MYO3B: variants seen among roughly 807,000 people sequenced by gnomAD.
The protein encoded by MYO3B is myosin IIIB, also known as myosin-IIIb.
Under a neutral mutation model 174.6 loss-of-function variants are expected in MYO3B, and 156 were observed. The observed-to-expected ratio is 0.89, with a 90% CI of 0.78 to 1.02. MYO3B has a LOEUF of 1.02. Among genes scored for constraint, MYO3B ranks in the 50% least tolerant of loss-of-function variants. MYO3B has a pLI of 0.00. For missense variants in MYO3B, 1,632 were observed against 1,639.4 expected (o/e 1.00, Z 0.08); for synonymous variants, 563 against 569.1 (o/e 0.99, Z 0.15).
At chr2:170,445,807 A>G (rs1380295604) in intron 23 of MYO3B, among the ~76,000 whole-genome samples, 1 of 152,148 alleles carries the variant, frequency 6.6e-6, no homozygotes, top group African/African-American at 2.4e-5. Flanking sequence ...CTAACTAAAA[A>G]AAATTTTTTT....
At chr2:170,537,567 T>A (rs957418582) in intron 30 of MYO3B, among the ~76,000 whole-genome samples, 24 of 143,254 alleles carry the variant, frequency 1.7e-4, no homozygotes, top group Non-Finnish European at 3.5e-4. Flanking sequence ...CCACCCCAGC[T>A]TCCTGAGTAG....
At chr2:170,503,827 G>A (rs565341454) in intron 28 of MYO3B, among the ~76,000 whole-genome samples, 1 of 152,156 alleles carries the variant, frequency 6.6e-6, no homozygotes, top group Non-Finnish European at 1.5e-5. Flanking sequence ...GGCAGCCAGA[G>A]CAAAGGCAGA....
chr2:170,297,097 G>A lies in MYO3B; in HGVS notation c.750-38288G>A, dbSNP rs377083914. On this transcript the variant is annotated intron_variant, in intron 7 of 34. Coordinates refer to ENST00000408978, the MANE Select transcript of MYO3B (RefSeq NM_138995.5). ...TCCTTCACATATTGAATAAGGTTATGAATAGGTAAGAACCATGTGAGAAAT... is the reference window on the plus strand; with the variant it reads ...TCCTTCACATATTGAATAAGGTTATAAATAGGTAAGAACCATGTGAGAAAT... 2.3e-4 allele frequency among the ~76,000 whole-genome samples: 35 copies of A among 152,270 alleles called. 1 individual carries two copies. The highest frequency in any genetic ancestry group is 7.7e-4 in the African/African-American group (32 of 41,560).
At chr2:170,249,604 C>A (rs183618988) in intron 7 of MYO3B, among the ~76,000 whole-genome samples, 3 of 152,266 alleles carry the variant, frequency 2.0e-5, no homozygotes, top group African/African-American at 7.2e-5. Context: ...AAACAAGAAA[C>A]AAATTATGCT....
At chr2:170,386,316 C>T (rs1273115916) in intron 13 of MYO3B, 44 bp downstream of exon 13, 3 of 1,488,212 alleles carry the variant, frequency 2.0e-6, no homozygotes, top group Non-Finnish European at 2.8e-6. Context: ...GAAGTTCCTA[C>T]AGAGTAACTG....
chr2:170,548,460 G>A (rs1171010993), intron 32 of MYO3B, among the ~76,000 whole-genome samples: 2 of 152,190 alleles, frequency 1.3e-5, no homozygotes, highest in Admixed American at 6.5e-5. Flanking sequence ...AGGTGGCTCT[G>A]ATATTGTCGG....
In MYO3B at chr2:170,463,446, G is replaced by T. The variant is rs777064807; in HGVS notation, c.2808+1G>T. ...GCAAACTGTGGCTTCTTACTTCCGG[G>T]TATGGAGTCTTCTTGATCTCTATTC... is the stretch of plus-strand genomic sequence containing the variant. On this transcript the variant is annotated splice_donor_variant, in intron 24 of 34. Coordinates refer to ENST00000408978, the MANE Select transcript of MYO3B (RefSeq NM_138995.5). LOFTEE classifies it high-confidence loss of function. The T allele has an allele frequency of 6.2e-7, 1 of 1,613,768 alleles. No homozygotes were observed. Among genetic ancestry groups the T allele is most frequent in the Non-Finnish European group, 8.5e-7 (1 of 1,179,818 alleles).
chr2:170,404,223 G>T (rs756773292), intron 19 of MYO3B, 24 bp from the exon 20 acceptor site: 19 of 1,578,556 alleles, frequency 1.2e-5, no homozygotes, highest in Non-Finnish European at 1.6e-5. Context: ...GGGCTGGAGA[G>T]AATCACAATC....
chr2:170,211,357 C>T (rs2092768421), intron 3 of MYO3B, among the ~76,000 whole-genome samples: 1 of 152,190 alleles, frequency 6.6e-6, no homozygotes, highest in African/African-American at 2.4e-5. Context: ...TTAAACTGAG[C>T]ACTCTCTAAG....
At chr2:170,499,620 A>G (rs377137296) in intron 26 of MYO3B, 26 bp from the exon 27 acceptor site, 88 of 1,611,140 alleles carry the variant, frequency 5.5e-5, no homozygotes, top group Non-Finnish European at 7.0e-5. Flanking sequence ...CCCATATGTA[A>G]TGCTAAAACT....
At chr2:170,395,248 T>C (rs1222547302) in intron 16 of MYO3B, among the ~76,000 whole-genome samples, 1 of 152,216 alleles carries the variant, frequency 6.6e-6, no homozygotes, top group Non-Finnish European at 1.5e-5. Flanking sequence ...ATTGTGAAGA[T>C]TGTGCTTTTC....
At chr2:170,251,549 G>C (rs967320722) in intron 7 of MYO3B, among the ~76,000 whole-genome samples, 1 of 152,082 alleles carries the variant, frequency 6.6e-6, no homozygotes, top group Admixed American at 6.5e-5. Flanking sequence ...CAATATGACT[G>C]GTGTCTTTAT....
chr2:170,427,939 A>G, intron 22 of MYO3B, among the ~76,000 whole-genome samples: 1 of 152,240 alleles, frequency 6.6e-6, no homozygotes, highest in East Asian at 1.9e-4. Flanking sequence ...ACTTGCCAAT[A>G]TGCAAACAGA....
At chr2:170,320,669 T>C (rs1399942073) in intron 7 of MYO3B, among the ~76,000 whole-genome samples, 1 of 151,990 alleles carries the variant, frequency 6.6e-6, no homozygotes, top group East Asian at 1.9e-4. Flanking sequence ...GTATGTCATA[T>C]GTAAATATTA....
chr2:170,543,915 G>T lies in MYO3B; in HGVS notation c.3660G>T (p.Leu1220Phe), dbSNP rs1690293714. 6.2e-7 allele frequency: 1 copy of T among 1,613,066 alleles called. No homozygotes were observed. The highest frequency in any genetic ancestry group is 8.5e-7 in the Non-Finnish European group (1 of 1,179,256). ...AGCACTCGGTTTCTGGGACTGATTTGCTGTCTTCTCGGATATGCCATCCTG... is the reference window on the plus strand; with the variant it reads ...AGCACTCGGTTTCTGGGACTGATTTTCTGTCTTCTCGGATATGCCATCCTG... ...ANKHSVSGTD[L>F]LSSRICHPAP... Residue 1220 changes from leucine to phenylalanine, a missense_variant, in exon 32 of 35, where the codon TTG (leucine) becomes TTT (phenylalanine). Transcript: ENST00000408978.
chr2:170,335,251 T>G (rs1414614991), intron 7 of MYO3B, 134 bp from the exon 8 acceptor site: 2 of 695,206 alleles, frequency 2.9e-6, no homozygotes, highest in Non-Finnish European at 4.9e-6. Flanking sequence ...AATCTACCAC[T>G]AAAAAATGAC....
chr2:170,241,141 T>A (rs1549348), intron 7 of MYO3B, among the ~76,000 whole-genome samples: 2,566 of 151,828 alleles, frequency 0.017, 53 homozygotes, highest in East Asian at 0.092. Flanking sequence ...TTTTTTTTTT[T>A]AGTAGGAAAA....
At chr2:170,238,621 T>C (rs2093097772) in intron 7 of MYO3B, among the ~76,000 whole-genome samples, 1 of 151,662 alleles carries the variant, frequency 6.6e-6, no homozygotes, top group South Asian at 2.1e-4. Context: ...TTACTGGAAA[T>C]AAATTGAGTA....
intron 1 of MYO3B, among the ~76,000 whole-genome samples, chr2:170,191,938 T>TG (rs2092545395): frequency 6.6e-6 from 1 of 152,200 alleles, no homozygotes; most frequent in Non-Finnish European, 1.5e-5. Flanking sequence ...ATTCTCCTAT[T>TG]GGCTGATTTT....
Sources: gnomAD v4.1 joint callset for allele counts (sites outside exome capture counted in the v4.1 genomes callset) on GRCh38, gnomAD v4.1.1 for gene constraint, MANE v1.5 for transcripts, NCBI Gene and HGNC (gene_info 2026-07-23, HGNC 2026-07-21) for gene names.